The following AFG2A variants were observed in gnomAD, a reference collection of about 807,000 sequenced individuals.
AFG2A encodes the protein ATPase family gene 2 protein homolog A.
chr4:122,981,753 T>C, the AFG2A span, among the ~76,000 whole-genome samples: 8 of 152,206 alleles, frequency 5.3e-5, no homozygotes, highest in East Asian at 1.5e-3. Flanking sequence ...GTTTTTTCGG[T>C]ATATTTAAAA....
chr4:123,096,758 C>A, the AFG2A span, among the ~76,000 whole-genome samples: 1 of 151,878 alleles, frequency 6.6e-6, no homozygotes, highest in Non-Finnish European at 1.5e-5. Flanking sequence ...GAAAAGATTG[C>A]CCAATTGAGA....
At chr4:123,003,718 G>T in the AFG2A span, among the ~76,000 whole-genome samples, 5 of 152,094 alleles carry the variant, frequency 3.3e-5, no homozygotes, top group South Asian at 1.0e-3. Flanking sequence ...TGCCCCTACT[G>T]GGGGGTGCCT....
the AFG2A span, among the ~76,000 whole-genome samples, chr4:122,931,135 AT>A: frequency 6.6e-6 from 1 of 152,160 alleles, no homozygotes; most frequent in Admixed American, 6.5e-5. Flanking sequence ...TTGGTTTGAT[AT>A]TTTTACTGTT....
chr4:122,958,729 A>C, the AFG2A span, among the ~76,000 whole-genome samples: 1 of 152,178 alleles, frequency 6.6e-6, no homozygotes, highest in Non-Finnish European at 1.5e-5. Flanking sequence ...TCTGGAGACC[A>C]CACTTTGAGA....
At chr4:123,060,532 A>G in the AFG2A span, among the ~76,000 whole-genome samples, 5 of 152,318 alleles carry the variant, frequency 3.3e-5, no homozygotes, top group East Asian at 9.7e-4. Context: ...GTCTGAAGCC[A>G]TGGCCCAAGC....
At chr4:123,292,868 C>G in the AFG2A span, among the ~76,000 whole-genome samples, 1 of 152,142 alleles carries the variant, frequency 6.6e-6, no homozygotes, top group Non-Finnish European at 1.5e-5. Context: ...GTAAAAACAG[C>G]TGCAGCTTAA....
At chr4:123,043,899 T>C in the AFG2A span, among the ~76,000 whole-genome samples, 1 of 152,270 alleles carries the variant, frequency 6.6e-6, no homozygotes, top group Non-Finnish European at 1.5e-5. Flanking sequence ...TCAGCAGATA[T>C]TATTATTCTT....
the AFG2A span, among the ~76,000 whole-genome samples, chr4:123,224,670 T>TA: frequency 6.6e-6 from 1 of 152,222 alleles, no homozygotes; most frequent in African/African-American, 2.4e-5. Context: ...GCAATAAACA[T>TA]ACGTGTGCAT....
the AFG2A span, among the ~76,000 whole-genome samples, chr4:123,169,904 A>G: frequency 6.6e-6 from 1 of 152,204 alleles, no homozygotes; most frequent in Non-Finnish European, 1.5e-5. Context: ...GTTTCTGGTT[A>G]GTGCTAAATG....
chr4:122,994,834 A>G, the AFG2A span, among the ~76,000 whole-genome samples: 516 of 152,298 alleles, frequency 3.4e-3, 3 homozygotes, highest in Middle Eastern at 0.014. Context: ...ACCACATATC[A>G]TTAGTTAAAT....
the AFG2A span, among the ~76,000 whole-genome samples, chr4:123,231,107 A>G: frequency 2.6e-5 from 4 of 152,104 alleles, 1 homozygote; most frequent in South Asian, 6.2e-4. Context: ...ATTAGCCCCC[A>G]ACAAGAGAGT....
the AFG2A span, among the ~76,000 whole-genome samples, chr4:123,128,010 C>CT: frequency 6.6e-6 from 1 of 152,058 alleles, no homozygotes; most frequent in Non-Finnish European, 1.5e-5. Flanking sequence ...ACTGTATTTC[C>CT]TGTTTTGTGT....
the AFG2A span, among the ~76,000 whole-genome samples, chr4:123,235,598 A>C: frequency 6.6e-6 from 1 of 152,220 alleles, no homozygotes; most frequent in Non-Finnish European, 1.5e-5. Context: ...GTAGTATGGA[A>C]TCCAAGTTAT....
the AFG2A span, among the ~76,000 whole-genome samples, chr4:123,091,858 T>C: frequency 6.6e-6 from 1 of 152,234 alleles, no homozygotes; most frequent in East Asian, 1.9e-4. Flanking sequence ...TTTCTCTTTT[T>C]TGTTGTTGCT....
At chr4:122,931,238 G>T in the AFG2A span, among the ~76,000 whole-genome samples, 3 of 150,368 alleles carry the variant, frequency 2.0e-5, no homozygotes, top group Non-Finnish European at 4.5e-5. Flanking sequence ...AAAAGTAAAT[G>T]TAAGCATTTA....
the AFG2A span, among the ~76,000 whole-genome samples, chr4:122,929,690 CTG>C: frequency 9.8e-5 from 11 of 111,874 alleles, no homozygotes; most frequent in African/African-American, 3.3e-4. Flanking sequence ...CAGAGTGAGA[CTG>C]TGTCTCAAAG....
At chr4:123,020,580 G>C in the AFG2A span, among the ~76,000 whole-genome samples, 1 of 151,942 alleles carries the variant, frequency 6.6e-6, no homozygotes. Context: ...CGTTGGCCAG[G>C]CTGGTCTTGA....
At chr4:123,186,745 A>G in the AFG2A span, among the ~76,000 whole-genome samples, 16 of 152,200 alleles carry the variant, frequency 1.1e-4, no homozygotes, top group African/African-American at 3.9e-4. Flanking sequence ...AACTGAATAT[A>G]TATGAGGTTG....
the AFG2A span, among the ~76,000 whole-genome samples, chr4:123,209,158 G>A: frequency 6.6e-6 from 1 of 152,190 alleles, no homozygotes. Context: ...CAGGGGTCAT[G>A]GGAACCCTGA....
Sources: allele counts gnomAD v4.1 joint callset (sites outside exome capture counted in the v4.1 genomes callset), GRCh38; gene constraint gnomAD v4.1.1; transcripts MANE v1.5; gene names NCBI Gene and HGNC (gene_info 2026-07-23, HGNC 2026-07-21).